The following WDR49 variants were observed in gnomAD, a reference collection of about 807,000 sequenced individuals.
WDR49 encodes WD repeat domain 49.
In WDR49, 107 loss-of-function variants were observed where a neutral mutation model predicts 119.5. The ratio of observed to expected loss-of-function variants is 0.90; its 90% confidence interval spans 0.77 to 1.05. The LOEUF is 1.05. Ranked by LOEUF, WDR49 falls within the 50% of genes least tolerant of loss-of-function variation. The probability of loss-of-function intolerance (pLI) is 0.00; values close to 1 mark genes in which losing one functional copy is unlikely to be tolerated. For synonymous variants in WDR49, 425 were observed against 418.8 expected (o/e 1.01, Z -0.18); for missense variants, 1,240 against 1,220.5 (o/e 1.02, Z -0.24).
chr3:167,613,894 G>T (rs984807314), intron 5 of WDR49, among the ~76,000 whole-genome samples: 5 of 150,074 alleles, frequency 3.3e-5, no homozygotes, highest in Admixed American at 2.7e-4. Flanking sequence ...GCAGTGAGCC[G>T]AGATCATGCC....
chr3:167,583,952 T>A (rs1333590848), intron 7 of WDR49, among the ~76,000 whole-genome samples: 2 of 152,060 alleles, frequency 1.3e-5, no homozygotes, highest in African/African-American at 4.8e-5. Context: ...TGAGGAAGAA[T>A]CACCAGAATA....
chr3:167,479,817 T>C (rs1182219207), intron 18 of WDR49, among the ~76,000 whole-genome samples: 1 of 152,112 alleles, frequency 6.6e-6, no homozygotes, highest in Non-Finnish European at 1.5e-5. Context: ...TAGGTACTTA[T>C]TTGAGGTAGG....
chr3:167,631,734 C>G (rs1272007563), intron 2 of WDR49, among the ~76,000 whole-genome samples: 2 of 151,944 alleles, frequency 1.3e-5, no homozygotes, highest in Non-Finnish European at 2.9e-5. Flanking sequence ...CCTGGTTCCA[C>G]CAGAGATCGT....
intron 2 of WDR49, among the ~76,000 whole-genome samples, chr3:167,648,235 A>G (rs781457270): frequency 1.8e-4 from 28 of 152,340 alleles, no homozygotes; most frequent in Middle Eastern, 3.4e-3. Flanking sequence ...TGATGCCAAC[A>G]TAAGTGCTTT....
At chr3:167,626,255 C>T (rs890080419) in intron 3 of WDR49, among the ~76,000 whole-genome samples, 10 of 151,908 alleles carry the variant, frequency 6.6e-5, no homozygotes, top group African/African-American at 2.2e-4. Context: ...TGATTGAATA[C>T]TAGGTACATC....
At position 167,614,312 on chromosome 3, in the gene WDR49, T is replaced by A. The variant is rs111489463; in HGVS notation, c.958+6117A>T. Reference sequence around the variant, plus strand: ...CATGGTTTCACCACGTTGGCCAGGCTGGTCTCCAACTCCTGACCTCAGGTG... The same window carrying A: ...CATGGTTTCACCACGTTGGCCAGGCAGGTCTCCAACTCCTGACCTCAGGTG... On this transcript the variant is annotated intron_variant, in intron 5 of 18. Transcript: ENST00000682715. Among the ~76,000 whole-genome samples, 703 of 152,300 alleles carry A rather than the reference T, an allele frequency of 4.6e-3. 4 individuals carry two copies. Among genetic ancestry groups the A allele is most frequent in the African/African-American group, 0.014 (568 of 41,568 alleles).
intron 2 of WDR49, among the ~76,000 whole-genome samples, chr3:167,649,917 T>C (rs772433423): frequency 6.6e-6 from 1 of 152,146 alleles, no homozygotes; most frequent in East Asian, 1.9e-4. Flanking sequence ...GGAGAAGATA[T>C]AGACACAGTT....
At chr3:167,515,351 G>A (rs1007682872) in intron 16 of WDR49, among the ~76,000 whole-genome samples, 36 of 152,110 alleles carry the variant, frequency 2.4e-4, no homozygotes, top group African/African-American at 8.2e-4. Context: ...ATCAATAAAC[G>A]TAATTCATCA....
intron 5 of WDR49, among the ~76,000 whole-genome samples, chr3:167,605,546 C>T (rs760388416): frequency 3.9e-5 from 6 of 151,960 alleles, no homozygotes; most frequent in South Asian, 4.1e-4. Context: ...GGAGAAAAAA[C>T]GTGTAAATCA....
At position 167,494,957 on chromosome 3, in the gene WDR49, T is replaced by C. The variant is rs138524353; in HGVS notation, c.3031+5196A>G. Among the ~76,000 whole-genome samples, 12 of 152,330 alleles carry C rather than the reference T, an allele frequency of 7.9e-5. No homozygotes were observed. The East Asian group carries it at 2.3e-3, about 29-fold the overall frequency. Reference sequence around the variant, plus strand: ...CCTAACTAAATCTGTACCTCAGCACTGACCCGGCTCAAGTACTAATTAGAT... The same window carrying C: ...CCTAACTAAATCTGTACCTCAGCACCGACCCGGCTCAAGTACTAATTAGAT... On this transcript the variant is annotated intron_variant, in intron 18 of 18. Transcript: ENST00000682715.
chr3:167,619,296 G>A (rs1277651002), intron 5 of WDR49, among the ~76,000 whole-genome samples: 1 of 152,030 alleles, frequency 6.6e-6, no homozygotes, highest in East Asian at 1.9e-4. Flanking sequence ...CCTCCATTCT[G>A]TATATTTTTA....
chr3:167,493,894 C>T (rs1254505760), intron 18 of WDR49, among the ~76,000 whole-genome samples: 1 of 152,128 alleles, frequency 6.6e-6, no homozygotes, highest in Non-Finnish European at 1.5e-5. Flanking sequence ...ATCCCATCTT[C>T]GTCTGTATTT....
chr3:167,532,588 GA>G (rs997124918), intron 12 of WDR49, among the ~76,000 whole-genome samples: 6 of 151,820 alleles, frequency 4.0e-5, no homozygotes, highest in Middle Eastern at 3.4e-3. Context: ...AAGGTTTATT[GA>G]AAAAAAATAA....
rs2420023 is a variant in WDR49 at position 167,653,140 on chromosome 3, A to C, written c.165+121T>G. The C allele has an allele frequency of 3.3e-3, 3,848 of 1,163,036 alleles. 16 individuals are homozygous for C. Among genetic ancestry groups the C allele is most frequent in the Non-Finnish European group, 3.9e-3 (3,261 of 827,920 alleles). The allele number at this position is 1,163,036 out of a possible 1,614,324, so 72.0% of individuals were successfully genotyped here. ...AATCCAGGCCTAACCAATTATTTTT[A>C]ATTCTCTGCTATAACAATTAAGTGT... is the stretch of plus-strand genomic sequence containing the variant. On this transcript the variant is annotated intron_variant, in intron 2 of 18. Coordinates refer to ENST00000682715, the MANE Select transcript of WDR49 (RefSeq NM_001366157.1).
At chr3:167,647,739 A>T (rs912826670) in intron 2 of WDR49, among the ~76,000 whole-genome samples, 4 of 152,180 alleles carry the variant, frequency 2.6e-5, no homozygotes, top group African/African-American at 9.7e-5. Context: ...TGCACTTTTT[A>T]CTATATACAG....
intron 7 of WDR49, among the ~76,000 whole-genome samples, chr3:167,597,110 C>A (rs1410522784): frequency 6.6e-6 from 1 of 152,156 alleles, no homozygotes; most frequent in East Asian, 1.9e-4. Flanking sequence ...GCCCAAAGGC[C>A]TAGGTGGGAA....
intron 5 of WDR49, among the ~76,000 whole-genome samples, chr3:167,619,082 T>G (rs1334963471): frequency 6.6e-6 from 1 of 152,172 alleles, no homozygotes; most frequent in Admixed American, 6.5e-5. Flanking sequence ...AAGACAGCTT[T>G]CTATAGGCTT....
chr3:167,588,605 C>A (rs1411618414), intron 7 of WDR49, among the ~76,000 whole-genome samples: 1 of 152,040 alleles, frequency 6.6e-6, no homozygotes, highest in Non-Finnish European at 1.5e-5. Flanking sequence ...TATTGCTTGT[C>A]TTTTGGATAT....
At chr3:167,586,737 A>T (rs78258695) in intron 7 of WDR49, among the ~76,000 whole-genome samples, 3,049 of 152,334 alleles carry the variant, frequency 0.02, 64 homozygotes, top group Admixed American at 0.056. Flanking sequence ...AAAGTGAAAT[A>T]GATTTAGACT....
Sources: allele counts gnomAD v4.1 joint callset (sites outside exome capture counted in the v4.1 genomes callset), GRCh38; gene constraint gnomAD v4.1.1; transcripts MANE v1.5; gene names NCBI Gene and HGNC (gene_info 2026-07-23, HGNC 2026-07-21).